KRTAP26-1: variants seen among roughly 807,000 people sequenced by gnomAD.
KRTAP26-1 encodes the protein keratin associated protein 26-1, also known as keratin-associated protein 26-1.
For synonymous variants in KRTAP26-1, 111 were observed against 103.3 expected (o/e 1.07, Z -0.45); for missense variants, 273 against 260.9 (o/e 1.05, Z -0.32).
In KRTAP26-1 at chr21:30,319,649, G is replaced by T. The variant is rs768314748; in HGVS notation, c.387C>A (p.Leu129=). 2.5e-5 allele frequency: 41 copies of T among 1,613,822 alleles called. 2 individuals are homozygous for T. The South Asian group carries it at 4.4e-4, about 17-fold the overall frequency. The part of the protein sequence containing the change: ...SSGCRPLRPL[L]NSYQPIGDCV... ...AGTCTCCTATGGGCTGGTAACTATT[G>T]AGCAGCGGCCTCAGTGGACGACAGC... Residue 129 remains leucine, a synonymous_variant, in exon 1 of 1, where the codon CTC becomes CTA. Transcript: ENST00000360542.
In KRTAP26-1 at chr21:30,320,203, A is replaced by G; in HGVS notation, c.-168T>C. ...TGCATCAGAACTCTTTATTATAGCCAAGGAAGTGAGGCTTCCACCCTCCAT... is the reference window on the plus strand; with the variant it reads ...TGCATCAGAACTCTTTATTATAGCCGAGGAAGTGAGGCTTCCACCCTCCAT... On this transcript the variant is annotated 5_prime_UTR_variant, in exon 1 of 1. Transcript: ENST00000360542. The G allele has an allele frequency of 1.8e-6, 1 of 554,684 alleles. No individual in the cohort carries two copies. Among genetic ancestry groups the G allele is most frequent in the Non-Finnish European group, 3.2e-6 (1 of 312,724 alleles). 34.4% of individuals were successfully genotyped at this position (554,684 alleles called of 1,614,324 possible).
chr21:30,319,912 A>G lies in KRTAP26-1; in HGVS notation c.124T>C (p.Leu42=), dbSNP rs750785709. Residue 42 remains leucine (L), a synonymous_variant, in exon 1 of 1, where the codon TTA becomes CTA. Transcript: ENST00000360542. ...TSVSCGDVLY[L]PTSSQDHTWV... is the part of the protein sequence containing the mutation. Reference sequence around the variant, plus strand: ...GTATGGTCTTGAGAGCTAGTGGGTAAGTAGAGGACATCTCCACAGCTCACG... The same window carrying G: ...GTATGGTCTTGAGAGCTAGTGGGTAGGTAGAGGACATCTCCACAGCTCACG... 3 of 1,614,028 alleles carry G rather than the reference A, an allele frequency of 1.9e-6. No homozygotes were observed. In the South Asian group the frequency reaches 3.3e-5, roughly 18 times the overall value.
chr21:30,319,982 G>A lies in KRTAP26-1; in HGVS notation c.54C>T (p.Thr18=), dbSNP rs1186496633. ...TGGAGGTGAGAGGAATATGGCGGGA[G>A]GTTCTGAGAGATCCTGAGTTGGAGT... is the stretch of plus-strand genomic sequence containing the variant. ...SGNSNSGSLR[T]SRHIPLTSID... The change falls in exon 1 of 1, where the codon ACC becomes ACT. Residue 18 remains threonine (T), a synonymous_variant. Transcript: ENST00000360542. 4 of 1,612,736 alleles carry A rather than the reference G, an allele frequency of 2.5e-6. No individual in the cohort carries two copies. Among genetic ancestry groups the A allele is most frequent in the African/African-American group, 2.7e-5 (2 of 74,872 alleles).
At position 30,319,544 on chromosome 21, in the gene KRTAP26-1, T is replaced by C. The variant is rs1981624553; in HGVS notation, c.492A>G (p.Gln164=). 6.2e-7 allele frequency: 1 copy of C among 1,613,422 alleles called. No homozygotes were observed. The highest frequency in any genetic ancestry group is 8.5e-7 in the Non-Finnish European group (1 of 1,179,898). ...QPQNLLTSGC[Q]PSSCLAYRPQ... The stretch of plus-strand genomic sequence containing the variant: ...GACGATAGGCCAAGCAACTCGAGGG[T>C]TGGCATCCAGAAGTGAGGAGGTTTT... The change falls in exon 1 of 1, where the codon CAA becomes CAG. Residue 164 remains glutamine, a synonymous_variant. Transcript: ENST00000360542.
In KRTAP26-1 at chr21:30,319,581, C is replaced by A. The variant is rs1475460610; in HGVS notation, c.455G>T (p.Ser152Ile). ...AGTGAGGAGGTTTTGGGGCTGGCAA[C>A]TCTTGGACAAGCAGAATTGGGGGCG... ...AYRPQFCLSK[S>I]CQPQNLLTSG... The change falls in exon 1 of 1, where the codon AGT becomes ATT. Residue 152 changes from serine to isoleucine, a missense_variant. Transcript: ENST00000360542. 2 of 1,613,730 alleles carry A rather than the reference C, an allele frequency of 1.2e-6. No homozygotes were observed. Among genetic ancestry groups the A allele is most frequent in the African/African-American group, 1.3e-5 (1 of 74,828 alleles).
chr21:30,319,363 C>A lies in KRTAP26-1; in HGVS notation c.*40G>T. ...GGAGTTTGAATTTTTGTTGTGGATG[C>A]TCAGAGTGATTATTCACTGGAACAA... On this transcript the variant is annotated 3_prime_UTR_variant, in exon 1 of 1. Transcript: ENST00000360542. 2.6e-6 allele frequency: 4 copies of A among 1,514,674 alleles called. No individual in the cohort carries two copies. The highest frequency in any genetic ancestry group is 3.5e-6 in the Non-Finnish European group (4 of 1,129,652). The allele number at this position is 1,514,674 out of a possible 1,614,324, so 93.8% of individuals were successfully genotyped here.
Position 30,319,407 on chromosome 21 carries a change from A to T in KRTAP26-1, c.629T>A (p.Leu210Gln). Reference protein sequence around the residue: ...FSTCRPSCSGL With the variant: ...FSTCRPSCSGQ ...GGAACAAAGAAGCTGCTGGTTTCAC[A>T]GTCCAGAGCAAGATGGACGACACGT... Residue 210 changes from leucine (L) to glutamine (Q), a missense_variant, in exon 1 of 1, where the codon CTG becomes CAG. Physicochemically the swap from Leu to Gln is moderately radical, Grantham distance 113 (BLOSUM62 -2). Coordinates refer to ENST00000360542, the MANE Select transcript of KRTAP26-1 (RefSeq NM_203405.2). 3.2e-6 allele frequency: 5 copies of T among 1,564,364 alleles called. No homozygotes were observed. Among genetic ancestry groups the T allele is most frequent in the Non-Finnish European group, 4.3e-6 (5 of 1,151,748 alleles).
Position 30,319,424 on chromosome 21 carries a change from A to C in KRTAP26-1, c.612T>G (p.Arg204=). Residue 204 remains arginine, a synonymous_variant, in exon 1 of 1, where the codon CGT becomes CGG. Coordinates refer to ENST00000360542, the MANE Select transcript of KRTAP26-1 (RefSeq NM_203405.2). Reference sequence around the variant, plus strand: ...GGTTTCACAGTCCAGAGCAAGATGGACGACACGTGCTGAACACATGGGTCA... The same window carrying C: ...GGTTTCACAGTCCAGAGCAAGATGGCCGACACGTGCTGAACACATGGGTCA... ...QPLTHVFSTC[R]PSCSGL 1 of 1,603,270 alleles carries C rather than the reference A, an allele frequency of 6.2e-7. No individual in the cohort carries two copies. The highest frequency in any genetic ancestry group is 8.5e-7 in the Non-Finnish European group (1 of 1,172,762).
Position 30,319,891 on chromosome 21 carries a change from G to A in KRTAP26-1, c.145C>T (p.His49Tyr). 1 of 1,614,178 alleles carries A rather than the reference G, an allele frequency of 6.2e-7. No homozygotes were observed. The highest frequency in any genetic ancestry group is 8.5e-7 in the Non-Finnish European group (1 of 1,180,014). The change falls in exon 1 of 1, where the codon CAT (histidine) becomes TAT (tyrosine). Residue 49 changes from histidine to tyrosine, a missense_variant. Physicochemically the swap from His to Tyr is moderately conservative, Grantham distance 83 (BLOSUM62 2). Coordinates refer to ENST00000360542, the MANE Select transcript of KRTAP26-1 (RefSeq NM_203405.2). ...TGGCAGTTGTCTGTGACCCAGGTAT[G>A]GTCTTGAGAGCTAGTGGGTAAGTAG... The part of the protein sequence containing the change: ...VLYLPTSSQD[H>Y]TWVTDNCQET...
rs1017526433 is a variant in KRTAP26-1 at position 30,319,669 on chromosome 21, G to C, written c.367C>G (p.Arg123Gly). 6.2e-7 allele frequency: 1 copy of C among 1,613,970 alleles called. No homozygotes were observed. ...CTATTGAGCAGCGGCCTCAGTGGACGACAGCCGCTGGACACATACCTCTGT... is the reference window on the plus strand; with the variant it reads ...CTATTGAGCAGCGGCCTCAGTGGACCACAGCCGCTGGACACATACCTCTGT... ...RPQRYVSSGC[R>G]PLRPLLNSYQ... Residue 123 changes from arginine to glycine, a missense_variant, in exon 1 of 1, where the codon CGT (arginine) becomes GGT (glycine). Arg to Gly is a moderately radical substitution (Grantham distance 125). Transcript: ENST00000360542.
chr21:30,320,031 G>A lies in KRTAP26-1; in HGVS notation c.5C>T (p.Ser2Phe), dbSNP rs1023166876. The A allele has an allele frequency of 3.8e-6, 6 of 1,584,666 alleles. No individual in the cohort carries two copies. The African/African-American group carries it at 5.4e-5, about 14-fold the overall frequency. M[S>F]CPNYCSGNSN... ...GTTTCCCGAGCAGTAGTTGGGGCAA[G>A]ACATAGTGAGGTTGTGAGAGCAGGC... is the stretch of plus-strand genomic sequence containing the variant. Residue 2 changes from serine to phenylalanine, a missense_variant, in exon 1 of 1, where the codon TCT (serine) becomes TTT (phenylalanine). Coordinates refer to ENST00000360542, the MANE Select transcript of KRTAP26-1 (RefSeq NM_203405.2).
At position 30,319,543 on chromosome 21, in the gene KRTAP26-1, G is replaced by T; in HGVS notation, c.493C>A (p.Pro165Thr). 1.9e-6 allele frequency: 3 copies of T among 1,613,964 alleles called. No individual in the cohort carries two copies. The highest frequency in any genetic ancestry group is 2.5e-6 in the Non-Finnish European group (3 of 1,179,990). Residue 165 changes from proline to threonine, a missense_variant, in exon 1 of 1, where the codon CCC becomes ACC. Pro to Thr is a conservative substitution (Grantham distance 38, BLOSUM62 -1). Coordinates refer to ENST00000360542, the MANE Select transcript of KRTAP26-1 (RefSeq NM_203405.2). ...GGACGATAGGCCAAGCAACTCGAGG[G>T]TTGGCATCCAGAAGTGAGGAGGTTT... ...PQNLLTSGCQ[P>T]SSCLAYRPQS...
rs762780892 is a variant in KRTAP26-1 at position 30,319,850 on chromosome 21, T to C, written c.186A>G (p.Glu62=). Residue 62 remains glutamate (E), a synonymous_variant, in exon 1 of 1, where the codon GAA becomes GAG. Transcript: ENST00000360542. The stretch of plus-strand genomic sequence containing the variant: ...AGTGGACCGGCTGGCAGCTGGTTGG[T>C]TCACCGCAGGTCTCTTGGCAGTTGT... ...VTDNCQETCG[E]PTSCQPVHCE... 1.7e-5 allele frequency: 27 copies of C among 1,614,094 alleles called. No individual in the cohort carries two copies. The highest frequency in any genetic ancestry group is 3.3e-4 in the Middle Eastern group (2 of 6,060).
At position 30,319,675 on chromosome 21, in the gene KRTAP26-1, C is replaced by G. The variant is rs77018583; in HGVS notation, c.361G>C (p.Gly121Arg). The change falls in exon 1 of 1, where the codon GGC becomes CGC. Residue 121 changes from glycine (G) to arginine (R), a missense_variant. Physicochemically the swap from Gly to Arg is moderately radical, Grantham distance 125 (BLOSUM62 -2). Transcript: ENST00000360542. Reference protein sequence around the residue: ...SCRPQRYVSSGCRPLRPLLNS... With the variant: ...SCRPQRYVSSRCRPLRPLLNS... ...AGCAGCGGCCTCAGTGGACGACAGC[C>G]GCTGGACACATACCTCTGTGGTCTA... The G allele has an allele frequency of 1.2e-6, 2 of 1,613,800 alleles. No individual in the cohort carries two copies. Among genetic ancestry groups the G allele is most frequent in the Non-Finnish European group, 1.7e-6 (2 of 1,179,966 alleles).
At position 30,319,362 on chromosome 21, in the gene KRTAP26-1, G is replaced by A. The variant is rs1256683052; in HGVS notation, c.*41C>T. On this transcript the variant is annotated 3_prime_UTR_variant, in exon 1 of 1. Transcript: ENST00000360542. ...TGGAGTTTGAATTTTTGTTGTGGAT[G>A]CTCAGAGTGATTATTCACTGGAACA... The A allele has an allele frequency of 6.6e-6, 10 of 1,513,958 alleles. No homozygotes were observed. Among genetic ancestry groups the A allele is most frequent in the Non-Finnish European group, 8.9e-6 (10 of 1,129,372 alleles). 93.8% of individuals were successfully genotyped at this position (1,513,958 alleles called of 1,614,324 possible). A position where few individuals can be genotyped will look rare whatever the true frequency, so the allele number is the denominator to read the frequency against.
In KRTAP26-1 at chr21:30,319,453, G is replaced by T; in HGVS notation, c.583C>A (p.Pro195Thr). The change falls in exon 1 of 1, where the codon CCT (proline) becomes ACT (threonine). Residue 195 changes from proline to threonine, a missense_variant. Physicochemically the swap from Pro to Thr is conservative, Grantham distance 38 (BLOSUM62 -1). Coordinates refer to ENST00000360542, the MANE Select transcript of KRTAP26-1 (RefSeq NM_203405.2). ...PLGPLFSGCQ[P>T]LTHVFSTCRP... ...CACGTGCTGAACACATGGGTCAGAGGTTGGCAACCACTGAACAGAGGCCCC... is the reference window on the plus strand; with the variant it reads ...CACGTGCTGAACACATGGGTCAGAGTTTGGCAACCACTGAACAGAGGCCCC... The T allele has an allele frequency of 6.2e-7, 1 of 1,613,906 alleles. No homozygotes were observed. The highest frequency in any genetic ancestry group is 8.5e-7 in the Non-Finnish European group (1 of 1,179,882).
At position 30,319,342 on chromosome 21, in the gene KRTAP26-1, T is replaced by A; in HGVS notation, c.*61A>T. 6.8e-7 allele frequency: 1 copy of A among 1,461,062 alleles called. No homozygotes were observed. The highest frequency in any genetic ancestry group is 1.6e-5 in the South Asian group (1 of 63,228). 90.5% of individuals were successfully genotyped at this position (1,461,062 alleles called of 1,614,324 possible). On this transcript the variant is annotated 3_prime_UTR_variant, in exon 1 of 1. Transcript: ENST00000360542. ...AGCAAAGAAGCAAAAGTCCATGGAG[T>A]TTGAATTTTTGTTGTGGATGCTCAG...
chr21:30,320,225 C>T lies in KRTAP26-1; in HGVS notation c.-190G>A. On this transcript the variant is annotated 5_prime_UTR_variant, in exon 1 of 1. Transcript: ENST00000360542. ...GCCAAGGAAGTGAGGCTTCCACCCTCCATAAAACTGGATGCTCCTTGCAAT... is the reference window on the plus strand; with the variant it reads ...GCCAAGGAAGTGAGGCTTCCACCCTTCATAAAACTGGATGCTCCTTGCAAT... 2.0e-6 allele frequency: 1 copy of T among 510,366 alleles called. No homozygotes were observed. Among genetic ancestry groups the T allele is most frequent in the Admixed American group, 3.5e-5 (1 of 28,978 alleles). The allele number at this position is 510,366 out of a possible 1,614,324, so 31.6% of individuals were successfully genotyped here. A position where few individuals can be genotyped will look rare whatever the true frequency, so the allele number is the denominator to read the frequency against.
chr21:30,319,831 C>A lies in KRTAP26-1; in HGVS notation c.205G>T (p.Val69Phe). Reference protein sequence around the residue: ...TCGEPTSCQPVHCETGNLETS... With the variant: ...TCGEPTSCQPFHCETGNLETS... ...TCAAGATTGCCGGTCTCACAGTGGA[C>A]CGGCTGGCAGCTGGTTGGTTCACCG... Residue 69 changes from valine (V) to phenylalanine (F), a missense_variant, in exon 1 of 1, where the codon GTC (valine) becomes TTC (phenylalanine). Physicochemically the swap from Val to Phe is conservative, Grantham distance 50 (BLOSUM62 -1). Transcript: ENST00000360542. 6.2e-7 allele frequency: 1 copy of A among 1,613,856 alleles called. No homozygotes were observed. Among genetic ancestry groups the A allele is most frequent in the Non-Finnish European group, 8.5e-7 (1 of 1,179,864 alleles).
Sources: allele counts gnomAD v4.1 joint callset, GRCh38; gene constraint gnomAD v4.1.1; transcripts MANE v1.5; gene names NCBI Gene and HGNC (gene_info 2026-07-23, HGNC 2026-07-21).